Variants in DCC observed in about 807,000 individuals in gnomAD.
DCC encodes the protein netrin receptor DCC.
In DCC, 58 loss-of-function variants were observed where a neutral mutation model predicts 172.5. That is an observed-to-expected ratio of 0.34 (90% CI 0.27 to 0.42). The LOEUF (loss-of-function observed/expected upper bound fraction) is 0.42, where lower values mean the gene tolerates loss of function less well. Among genes scored for constraint, DCC ranks in the 10% least tolerant of loss-of-function variants. The probability of loss-of-function intolerance (pLI) is 1.00; values close to 1 mark genes in which losing one functional copy is unlikely to be tolerated. For synonymous variants in DCC, 709 were observed against 644.5 expected, an observed-to-expected ratio of 1.10 and a Z score of -1.52; for missense variants, 1,740 against 1,791.0, an observed-to-expected ratio of 0.97 and a Z score of 0.51.
intron 9 of DCC, among the ~76,000 whole-genome samples, chr18:53,202,766 T>C (rs1003435914): frequency 1.3e-5 from 2 of 152,180 alleles, no homozygotes; most frequent in Admixed American, 6.6e-5. Flanking sequence ...CTGGATGTGA[T>C]GCCCTGAGAA....
chr18:53,057,578 G>A (rs1235681735), intron 5 of DCC, among the ~76,000 whole-genome samples: 3 of 152,018 alleles, frequency 2.0e-5, no homozygotes, highest in Non-Finnish European at 4.4e-5. Context: ...TCTGGCCATG[G>A]ATTTTATTTT....
intron 3 of DCC, among the ~76,000 whole-genome samples, chr18:52,916,679 A>G (rs554460513): frequency 1.3e-5 from 2 of 152,264 alleles, no homozygotes; most frequent in Non-Finnish European, 2.9e-5. Flanking sequence ...TCACATTACA[A>G]CTAATTTTCA....
Position 53,398,359 on chromosome 18 carries a change from T to C in DCC, c.2827+913T>C, listed in dbSNP as rs190896818. On this transcript the variant is annotated intron_variant, in intron 18 of 28. Coordinates refer to ENST00000442544, the MANE Select transcript of DCC (RefSeq NM_005215.4). The stretch of plus-strand genomic sequence containing the variant: ...ATTTTTACATATCTGTGGATACTTC[T>C]TTCAACAAGAAGATTTCTAGTTGAC... Among the ~76,000 whole-genome samples the C allele has an allele frequency of 1.8e-4, 28 of 152,296 alleles. No homozygotes were observed. The East Asian group carries it at 4.4e-3, about 24-fold the overall frequency.
At chr18:53,098,179 T>C (rs2043114149) in intron 7 of DCC, among the ~76,000 whole-genome samples, 1 of 152,094 alleles carries the variant, frequency 6.6e-6, no homozygotes, top group African/African-American at 2.4e-5. Context: ...AGAATGGTAC[T>C]ATGTTTCATT....
intron 1 of DCC, among the ~76,000 whole-genome samples, chr18:52,354,747 A>C (rs1251564244): frequency 1.3e-5 from 2 of 152,190 alleles, no homozygotes; most frequent in African/African-American, 4.8e-5. Context: ...CATGAGCTTC[A>C]CAAAGTTCAG....
intron 1 of DCC, among the ~76,000 whole-genome samples, chr18:52,652,748 G>T (rs1169169185): frequency 6.6e-6 from 1 of 152,072 alleles, no homozygotes; most frequent in East Asian, 1.9e-4. Flanking sequence ...GTGGGTGGAG[G>T]AGGAGTGGTT....
At chr18:52,885,139 C>T (rs2039550411) in intron 2 of DCC, among the ~76,000 whole-genome samples, 4 of 152,006 alleles carry the variant, frequency 2.6e-5, no homozygotes, top group Admixed American at 2.6e-4. Context: ...TTGTCTATGG[C>T]CTGCTGTAAC....
chr18:53,385,969 G>T (rs879609831), intron 15 of DCC, 74 bp from the exon 16 acceptor site: 2 of 1,015,590 alleles, frequency 2.0e-6, no homozygotes, highest in Admixed American at 3.5e-5. Flanking sequence ...TTGTTTTGAG[G>T]AAAATGTTTG....
intron 7 of DCC, among the ~76,000 whole-genome samples, chr18:53,155,651 T>C (rs1057263151): frequency 6.6e-6 from 1 of 152,254 alleles, no homozygotes; most frequent in African/African-American, 2.4e-5. Flanking sequence ...TGCTTCTACT[T>C]TTTGTTAACT....
chr18:53,240,048 A>AC (rs1568385380), intron 12 of DCC, among the ~76,000 whole-genome samples: 2 of 148,212 alleles, frequency 1.3e-5, no homozygotes, highest in African/African-American at 5.0e-5. Context: ...AAAAAAAAAA[A>AC]AACAACAAAA....
intron 7 of DCC, among the ~76,000 whole-genome samples, chr18:53,081,521 GA>G (rs879788004): frequency 5.8e-4 from 81 of 139,952 alleles, no homozygotes; most frequent in Admixed American, 7.1e-4. Context: ...GGATTAAAAA[GA>G]AAAAAAAAAA....
intron 9 of DCC, among the ~76,000 whole-genome samples, chr18:53,187,222 G>C (rs547313220): frequency 2.0e-5 from 3 of 150,588 alleles, no homozygotes; most frequent in African/African-American, 7.3e-5. Flanking sequence ...TCCTGAGTTC[G>C]TGTGATTCTC....
intron 1 of DCC, among the ~76,000 whole-genome samples, chr18:52,345,780 G>T (rs895162292): frequency 9.2e-5 from 14 of 151,824 alleles, no homozygotes; most frequent in Non-Finnish European, 1.6e-4. Context: ...CATGCATGCT[G>T]CTTTTGGTGG....
chr18:53,032,776 G>T (rs2042043197), intron 5 of DCC, among the ~76,000 whole-genome samples: 1 of 152,058 alleles, frequency 6.6e-6, no homozygotes, highest in South Asian at 2.1e-4. Flanking sequence ...TTTCTGAGCA[G>T]AGTTTGGAGC....
intron 27 of DCC, among the ~76,000 whole-genome samples, chr18:53,507,085 T>TTTTTTTTTTG (rs1555680601): frequency 6.6e-5 from 10 of 151,896 alleles, no homozygotes; most frequent in Non-Finnish European, 1.2e-4. Flanking sequence ...CCCTTTCTCC[T>TTTTTTTTTTG]TTTTGTTTTG....
intron 12 of DCC, among the ~76,000 whole-genome samples, chr18:53,261,595 A>G (rs1038775301): frequency 6.6e-6 from 1 of 152,094 alleles, no homozygotes; most frequent in Non-Finnish European, 1.5e-5. Context: ...TGAGAAGCCA[A>G]AGAGAGTGGC....
intron 7 of DCC, among the ~76,000 whole-genome samples, chr18:53,123,432 A>G (rs899575047): frequency 6.6e-6 from 1 of 152,018 alleles, no homozygotes; most frequent in Non-Finnish European, 1.5e-5. Flanking sequence ...GTGTGAAGGG[A>G]GCTAGAGAGA....
At chr18:52,640,453 T>C (rs1471825726) in intron 1 of DCC, among the ~76,000 whole-genome samples, 1 of 152,014 alleles carries the variant, frequency 6.6e-6, no homozygotes, top group East Asian at 1.9e-4. Flanking sequence ...TTGTTTAAAT[T>C]GAAAACCCTA....
At chr18:53,343,805 G>A (rs1245887860) in intron 15 of DCC, among the ~76,000 whole-genome samples, 4 of 151,822 alleles carry the variant, frequency 2.6e-5, no homozygotes, top group African/African-American at 9.7e-5. Flanking sequence ...TTATAGGAAG[G>A]CTTTGATAAT....
Sources: allele counts gnomAD v4.1 joint callset (sites outside exome capture counted in the v4.1 genomes callset), GRCh38; gene constraint gnomAD v4.1.1; transcripts MANE v1.5; gene names NCBI Gene and HGNC (gene_info 2026-07-23, HGNC 2026-07-21).